FER1L5: variants seen among roughly 807,000 people sequenced by gnomAD.
FER1L5 encodes the protein fer-1 like family member 5.
In FER1L5, 187 loss-of-function variants were observed where a neutral mutation model predicts 279.9. That is an observed-to-expected ratio of 0.67 (90% confidence interval 0.59 to 0.75). FER1L5 has a LOEUF of 0.75. Among genes scored for constraint, FER1L5 ranks in the 30% least tolerant of loss-of-function variants. The pLI is 0.00. For missense variants in FER1L5, 2,091 were observed against 2,594.4 expected (o/e 0.81, Z 4.21); for synonymous variants, 921 against 989.7 (o/e 0.93, Z 1.30).
At position 96,703,330 on chromosome 2, in the gene FER1L5, G is replaced by C. The variant is rs1405816882; in HGVS notation, c.5675G>C (p.Gly1892Ala). The part of the protein sequence containing the change: ...GWWPCQVLDG[G>A]KWRLSGKVKM... The stretch of plus-strand genomic sequence containing the variant: ...TGGCCTTGCCAGGTCCTCGATGGTG[G>C]CAAATGGCGCTTGTCGGTAGGAGCT... Residue 1892 changes from glycine to alanine, a missense_variant, in exon 50 of 53, where the codon GGC (glycine) becomes GCC (alanine). By Grantham distance (60) the Gly-to-Ala change is moderately conservative. Coordinates refer to ENST00000624922, the MANE Select transcript of FER1L5 (RefSeq NM_001293083.2). The C allele has an allele frequency of 1.9e-6, 3 of 1,610,444 alleles. No individual in the cohort carries two copies. The highest frequency in any genetic ancestry group is 1.7e-6 in the Non-Finnish European group (2 of 1,178,378).
At position 96,691,434 on chromosome 2, in the gene FER1L5, C is replaced by T. The variant is rs1558912238; in HGVS notation, c.2908-11C>T. On this transcript the variant is annotated splice_polypyrimidine_tract_variant and intron_variant, in intron 28 of 52. Transcript: ENST00000624922. The surrounding 1 kb of genome is among the most constrained non-coding windows in gnomAD (Gnocchi z 6.0). ...TGCAGGAACACAACCCTGCTCTCCT[C>T]CCCACCACAGGGCCTGGCCAAGGGC... The T allele has an allele frequency of 1.3e-6, 2 of 1,535,638 alleles. No individual in the cohort carries two copies. Among genetic ancestry groups the T allele is most frequent in the Non-Finnish European group, 1.8e-6 (2 of 1,138,186 alleles).
intron 23 of FER1L5, among the ~76,000 whole-genome samples, chr2:96,687,347 C>G (rs138822205): frequency 5.9e-5 from 9 of 152,372 alleles, no homozygotes; most frequent in African/African-American, 2.2e-4. Context: ...TCGCATCCCG[C>G]AAGAGCCCCT....
Position 96,689,260 on chromosome 2 carries a change from G to C in FER1L5, c.2409G>C (p.Leu803=). The C allele has an allele frequency of 6.4e-7, 1 of 1,550,682 alleles. No individual in the cohort carries two copies. The highest frequency in any genetic ancestry group is 8.7e-7 in the Non-Finnish European group (1 of 1,146,732). Residue 803 remains leucine (L), a synonymous_variant, in exon 25 of 53, where the codon CTG becomes CTC. Transcript: ENST00000624922. The surrounding 1 kb of genome is among the most constrained non-coding windows in gnomAD (Gnocchi z 4.6). ...KYKDQWGQQG[L]YHCPNFSDVM... is the part of the protein sequence containing the mutation. ...AAGACCAGTGGGGGCAGCAGGGGCT[G>C]TATCACTGCCCCAACTTCTCGGATG...
chr2:96,699,402 C>T (rs1031604099), intron 42 of FER1L5, 148 bp from the exon 43 acceptor site: 13 of 981,726 alleles, frequency 1.3e-5, no homozygotes, highest in East Asian at 7.2e-5. Flanking sequence ...CAGGGGATGG[C>T]GATTGGCAGA....
At chr2:96,657,636 C>T (rs984499452) in intron 9 of FER1L5, among the ~76,000 whole-genome samples, 2 of 152,022 alleles carry the variant, frequency 1.3e-5, no homozygotes, top group Admixed American at 6.6e-5. Flanking sequence ...ATTATATGAA[C>T]ATTTCTTTCC....
At chr2:96,680,326 G>T (rs2076672482) in intron 19 of FER1L5, among the ~76,000 whole-genome samples, 1 of 151,876 alleles carries the variant, frequency 6.6e-6, no homozygotes, top group Non-Finnish European at 1.5e-5. Context: ...AAAGGCCAGG[G>T]TCTGAAACTA....
chr2:96,653,088 G>T lies in FER1L5; in HGVS notation c.634-552G>T, dbSNP rs1156596741. 4 of 153,542 alleles carry T rather than the reference G, an allele frequency of 2.6e-5. No homozygotes were observed. The Admixed American group carries it at 2.6e-4, about 10-fold the overall frequency. The allele number at this position is 153,542 out of a possible 1,614,324, so 9.5% of individuals were successfully genotyped here. ...AAAAATTAGCCACATGCAGTGGCAG[G>T]TGCCTGTAATCCCATCTACTCAGGA... On this transcript the variant is annotated intron_variant, in intron 7 of 52. Coordinates refer to ENST00000624922, the MANE Select transcript of FER1L5 (RefSeq NM_001293083.2).
rs1369970082 is a variant in FER1L5, at chr2:96,651,930, C to CAA, written c.544_545dup (p.Asn182LysfsTer8). On this transcript the variant is annotated frameshift_variant, in exon 7 of 53. Transcript: ENST00000624922. LOFTEE classifies it high-confidence loss of function. The stretch of plus-strand genomic sequence containing the variant: ...TGTTTGAAGCCCGACAGCTCATGGG[C>CAA]AACAACATCAAACCAGTGGTGAAGG... 3 of 1,552,030 alleles carry CAA rather than the reference C, an allele frequency of 1.9e-6. No homozygotes were observed. Among genetic ancestry groups the CAA allele is most frequent in the Non-Finnish European group, 2.6e-6 (3 of 1,147,066 alleles).
Position 96,702,733 on chromosome 2 carries a change from A to T in FER1L5, c.5389A>T (p.Ser1797Cys). Residue 1797 changes from serine (S) to cysteine (C), a missense_variant, in exon 48 of 53, where the codon AGC becomes TGC. Ser to Cys is a moderately radical substitution (Grantham distance 112). Transcript: ENST00000624922. This position sits in a 1 kb window ranked among gnomAD's most constrained non-coding sequence, Gnocchi z 4.0. Reference protein sequence around the residue: ...YLAAERTCVQSQKDYIWSLDA... With the variant: ...YLAAERTCVQCQKDYIWSLDA... ...GGCGGCGGAGCGCACGTGTGTCCAG[A>T]GCCAGAAGGTAACAGGCCTGGGGCG... 1 of 1,613,004 alleles carries T rather than the reference A, an allele frequency of 6.2e-7. No individual in the cohort carries two copies.
intron 6 of FER1L5, among the ~76,000 whole-genome samples, 199 bp downstream of exon 6, chr2:96,650,488 A>C (rs2075315345): frequency 1.3e-5 from 2 of 152,194 alleles, no homozygotes; most frequent in Non-Finnish European, 2.9e-5. Context: ...CTGAAGCCAC[A>C]GAGCTCCAGT....
At chr2:96,681,814 G>T (rs972867221) in intron 19 of FER1L5, among the ~76,000 whole-genome samples, 4 of 126,442 alleles carry the variant, frequency 3.2e-5, no homozygotes, top group Admixed American at 2.3e-4. Flanking sequence ...ATTTGAGAAG[G>T]AGTCTCACTT....
intron 19 of FER1L5, among the ~76,000 whole-genome samples, chr2:96,682,371 C>T (rs1433754590): frequency 7.2e-5 from 11 of 152,108 alleles, no homozygotes; most frequent in South Asian, 2.1e-4. Flanking sequence ...GGATTACAGG[C>T]GTGAGCCACC....
At chr2:96,657,025 A>T (rs1333990314) in intron 9 of FER1L5, among the ~76,000 whole-genome samples, 3 of 150,560 alleles carry the variant, frequency 2.0e-5, no homozygotes, top group Admixed American at 2.0e-4. Context: ...ATTGGGAGTG[A>T]CTGAATTTCT....
chr2:96,673,330 A>T, intron 19 of FER1L5, 76 bp downstream of exon 19: 1 of 1,387,666 alleles, frequency 7.2e-7, no homozygotes, highest in East Asian at 2.5e-5. Context: ...TCTCAGGGGT[A>T]TTAGCTCATG....
chr2:96,700,522 G>A lies in FER1L5; in HGVS notation c.5070+51G>A, dbSNP rs78178101. The stretch of plus-strand genomic sequence containing the variant: ...GGCTCCTACAGGAGGAGCTAGATCA[G>A]GAGACAGAGATGCCTGTCCACCCAG... On this transcript the variant is annotated intron_variant, in intron 45 of 52. Transcript: ENST00000624922. The A allele has an allele frequency of 1.0e-3, 1,686 of 1,606,776 alleles. 17 individuals are homozygous for A. The African/African-American group carries it at 0.02, about 19-fold the overall frequency.
In FER1L5 at chr2:96,698,266, C is replaced by T; in HGVS notation, c.4356+110C>T. Reference sequence around the variant, plus strand: ...TGCTCATTGTGAAGATGGAGCAGGGCTTGAGAACGTTCTGGGAGTGGAGGA... The same window carrying T: ...TGCTCATTGTGAAGATGGAGCAGGGTTTGAGAACGTTCTGGGAGTGGAGGA... On this transcript the variant is annotated intron_variant, in intron 40 of 52. Coordinates refer to ENST00000624922, the MANE Select transcript of FER1L5 (RefSeq NM_001293083.2). The surrounding 1 kb of genome is among the most constrained non-coding windows in gnomAD (Gnocchi z 5.5). 1.4e-6 allele frequency: 2 copies of T among 1,423,706 alleles called. No homozygotes were observed. Among genetic ancestry groups the T allele is most frequent in the Non-Finnish European group, 1.9e-6 (2 of 1,070,942 alleles). 88.2% of individuals were successfully genotyped at this position (1,423,706 alleles called of 1,614,324 possible).
chr2:96,645,758 AGAGT>A (rs1231614450), intron 1 of FER1L5, among the ~76,000 whole-genome samples: 2 of 152,054 alleles, frequency 1.3e-5, no homozygotes, highest in Non-Finnish European at 2.9e-5. Context: ...CCTGGGTGAT[AGAGT>A]GAGACCTTGT....
At position 96,689,850 on chromosome 2, in the gene FER1L5, T is replaced by C; in HGVS notation, c.2640+92T>C. 1 of 1,103,900 alleles carries C rather than the reference T, an allele frequency of 9.1e-7. No homozygotes were observed. The highest frequency in any genetic ancestry group is 1.3e-6 in the Non-Finnish European group (1 of 777,486). 68.4% of individuals were successfully genotyped at this position (1,103,900 alleles called of 1,614,324 possible). ...GCTGGGGGTCCCAGTGGAAAGGGTC[T>C]GAGCCCTATGCCCTGCACTATGTGT... On this transcript the variant is annotated intron_variant, in intron 26 of 52. Transcript: ENST00000624922. The surrounding 1 kb of genome is among the most constrained non-coding windows in gnomAD (Gnocchi z 4.6).
intron 5 of FER1L5, among the ~76,000 whole-genome samples, chr2:96,649,893 T>C (rs1049886206): frequency 4.6e-5 from 7 of 152,132 alleles, no homozygotes; most frequent in Admixed American, 3.3e-4. Flanking sequence ...TCTCTAGACA[T>C]AAGACCCATG....
Sources: allele counts gnomAD v4.1 joint callset (sites outside exome capture counted in the v4.1 genomes callset), GRCh38; gene constraint gnomAD v4.1.1; non-coding constraint Gnocchi (gnomAD v3.1); transcripts MANE v1.5; gene names NCBI Gene and HGNC (gene_info 2026-07-23, HGNC 2026-07-21).